Variants in INHA observed in about 807,000 individuals in gnomAD.
INHA encodes the protein inhibin subunit alpha.
INHA carries 8 observed loss-of-function variants against 21.3 expected under a neutral mutation model. The observed-to-expected ratio is 0.38, with a 90% CI of 0.22 to 0.68. INHA has a LOEUF of 0.68. INHA is among the 30% of genes least tolerant of loss of function. The probability of loss-of-function intolerance (pLI) is 0.53; values close to 1 mark genes in which losing one functional copy is unlikely to be tolerated. For missense variants in INHA, 436 were observed against 465.8 expected (o/e 0.94, Z 0.59); for synonymous variants, 231 against 207.5 (o/e 1.11, Z -0.97).
In INHA at chr2:219,572,322, A is replaced by T. The variant is rs1341272653; in HGVS notation, c.-53A>T. The stretch of plus-strand genomic sequence containing the variant: ...GGAAAGGCCCTGGGCAGACCCTGGC[A>T]GAAGGGGCACGGGGCAGGGTGTGAG... On this transcript the variant is annotated 5_prime_UTR_variant, in exon 1 of 2. Transcript: ENST00000243786. The T allele has an allele frequency of 6.2e-7, 1 of 1,612,504 alleles. No homozygotes were observed. Among genetic ancestry groups the T allele is most frequent in the Non-Finnish European group, 8.5e-7 (1 of 1,179,832 alleles).
In INHA at chr2:219,573,920, C is replaced by T. The variant is rs148045179; in HGVS notation, c.269-774C>T. On this transcript the variant is annotated intron_variant, in intron 1 of 1. Coordinates refer to ENST00000243786, the MANE Select transcript of INHA (RefSeq NM_002191.4). ...GCGGAAGGCAGAGGTTGCAGTGAGC[C>T]GAGATGGCGCCACTGCACTCCAGCC... Among the ~76,000 whole-genome samples, 1,356 of 149,584 alleles carry T rather than the reference C, an allele frequency of 9.1e-3. 23 individuals are homozygous for T. Among genetic ancestry groups the T allele is most frequent in the African/African-American group, 0.032 (1,277 of 40,304 alleles).
rs771028587 is a variant in INHA at position 219,575,575 on chromosome 2, A to G, written c.*49A>G. ...TCCCATGGCTGGTGGCCACGCCCCCACCATCATCAGCTGGGAGGAAAGGCA... is the reference window on the plus strand; with the variant it reads ...TCCCATGGCTGGTGGCCACGCCCCCGCCATCATCAGCTGGGAGGAAAGGCA... On this transcript the variant is annotated 3_prime_UTR_variant, in exon 2 of 2. Coordinates refer to ENST00000243786, the MANE Select transcript of INHA (RefSeq NM_002191.4). 3 of 1,447,450 alleles carry G rather than the reference A, an allele frequency of 2.1e-6. No individual in the cohort carries two copies. Among genetic ancestry groups the G allele is most frequent in the African/African-American group, 2.8e-5 (2 of 71,656 alleles). The allele number at this position is 1,447,450 out of a possible 1,614,324, so 89.7% of individuals were successfully genotyped here. A position where few individuals can be genotyped will look rare whatever the true frequency, so the allele number is the denominator to read the frequency against.
Position 219,572,545 on chromosome 2 carries a change from G to T in INHA, c.171G>T (p.Arg57=). The T allele has an allele frequency of 6.3e-7, 1 of 1,580,234 alleles. No homozygotes were observed. The highest frequency in any genetic ancestry group is 8.6e-7 in the Non-Finnish European group (1 of 1,162,458). The change falls in exon 1 of 2, where the codon CGG becomes CGT. Residue 57 remains arginine (R), a synonymous_variant. Transcript: ENST00000243786. ...AAGGTGGGGACCCTGGAGTCAGGCGGCTGCCCCGAAGACATGCCCTGGGGG... is the reference window on the plus strand; with the variant it reads ...AAGGTGGGGACCCTGGAGTCAGGCGTCTGCCCCGAAGACATGCCCTGGGGG... The part of the protein sequence containing the change: ...TREGGDPGVR[R]LPRRHALGGF...
At position 219,575,099 on chromosome 2, in the gene INHA, G is replaced by A; in HGVS notation, c.674G>A (p.Ser225Asn). ...LVAHTRTRPP[S>N]GGERARRSTP... ...GCCCACACTCGGACCAGACCACCCA[G>A]TGGAGGGGAGAGAGCCCGACGCTCA... is the stretch of plus-strand genomic sequence containing the variant. Residue 225 changes from serine to asparagine, a missense_variant, in exon 2 of 2, where the codon AGT becomes AAT. Ser to Asn is a conservative substitution (Grantham distance 46, BLOSUM62 1). Coordinates refer to ENST00000243786, the MANE Select transcript of INHA (RefSeq NM_002191.4). 6.2e-7 allele frequency: 1 copy of A among 1,614,110 alleles called. No homozygotes were observed. The highest frequency in any genetic ancestry group is 8.5e-7 in the Non-Finnish European group (1 of 1,180,048).
In INHA at chr2:219,572,442, A is replaced by T; in HGVS notation, c.68A>T (p.Glu23Val). ...PQGGHSCQGL[E>V]LARELVLAKV... is the part of the protein sequence containing the mutation. The stretch of plus-strand genomic sequence containing the variant: ...GGTGGGCACAGCTGCCAGGGGCTGG[A>T]GCTGGCCCGGGAACTTGTTCTGGCC... Residue 23 changes from glutamate (E) to valine (V), a missense_variant, in exon 1 of 2, where the codon GAG becomes GTG. Transcript: ENST00000243786. 1 of 1,614,016 alleles carries T rather than the reference A, an allele frequency of 6.2e-7. No homozygotes were observed. Among genetic ancestry groups the T allele is most frequent in the Non-Finnish European group, 8.5e-7 (1 of 1,180,010 alleles).
At chr2:219,573,835 T>C (rs1697474818) in intron 1 of INHA, among the ~76,000 whole-genome samples, 1 of 151,952 alleles carries the variant, frequency 6.6e-6, no homozygotes, top group African/African-American at 2.4e-5. Context: ...TAGCCAGGCA[T>C]GGTGGCACCA....
In INHA at chr2:219,575,067, C is replaced by T. The variant is rs1238395659; in HGVS notation, c.642C>T (p.Phe214=). The change falls in exon 2 of 2, where the codon TTC becomes TTT. Residue 214 remains phenylalanine, a synonymous_variant. Coordinates refer to ENST00000243786, the MANE Select transcript of INHA (RefSeq NM_002191.4). ...CAGCCCGGCCTGAGGCCACGCCCTT[C>T]CTGGTGGCCCACACTCGGACCAGAC... is the stretch of plus-strand genomic sequence containing the variant. ...TCSARPEATP[F]LVAHTRTRPP... The T allele has an allele frequency of 3.1e-6, 5 of 1,613,788 alleles. No homozygotes were observed. Among genetic ancestry groups the T allele is most frequent in the Non-Finnish European group, 3.4e-6 (4 of 1,180,020 alleles).
chr2:219,573,122 C>A (rs915319221), intron 1 of INHA, among the ~76,000 whole-genome samples: 1 of 152,198 alleles, frequency 6.6e-6, no homozygotes, highest in Non-Finnish European at 1.5e-5. Flanking sequence ...TATATGTGCC[C>A]CCTTGTTCCA....
rs199897448 is a variant in INHA, at chr2:219,573,986, AAT to A, written c.269-707_269-706del. Among the ~76,000 whole-genome samples, 313 of 143,656 alleles carry A rather than the reference AAT, an allele frequency of 2.2e-3. 6 individuals carry two copies. The highest frequency in any genetic ancestry group is 8.2e-3 in the Admixed American group (116 of 14,138). The allele number at this position is 143,656 out of a possible 152,430, so 94.2% of individuals were successfully genotyped here. On this transcript the variant is annotated intron_variant, in intron 1 of 1. Coordinates refer to ENST00000243786, the MANE Select transcript of INHA (RefSeq NM_002191.4). ...GACTCCATCTCAAAAAAAAAAAAAA[AAT>A]GGTAATATGGCTGGGTGTGATGGCT...
chr2:219,574,880 T>C lies in INHA; in HGVS notation c.455T>C (p.Leu152Pro). ...TAASNSSEPL[L>P]GLLALSPGGP... is the part of the protein sequence containing the mutation. Reference sequence around the variant, plus strand: ...GCCTCCAATAGCTCTGAGCCCCTGCTAGGCCTGCTGGCACTGTCACCGGGA... The same window carrying C: ...GCCTCCAATAGCTCTGAGCCCCTGCCAGGCCTGCTGGCACTGTCACCGGGA... Residue 152 changes from leucine (L) to proline (P), a missense_variant, in exon 2 of 2, where the codon CTA (leucine) becomes CCA (proline). Coordinates refer to ENST00000243786, the MANE Select transcript of INHA (RefSeq NM_002191.4). 1.2e-6 allele frequency: 2 copies of C among 1,614,140 alleles called. No individual in the cohort carries two copies. Among genetic ancestry groups the C allele is most frequent in the East Asian group, 2.2e-5 (1 of 44,884 alleles).
Position 219,575,416 on chromosome 2 carries a change from C to T in INHA, c.991C>T (p.Leu331Phe), listed in dbSNP as rs1381075326. The change falls in exon 2 of 2, where the codon CTC becomes TTC. Residue 331 changes from leucine (L) to phenylalanine (F), a missense_variant. Leu to Phe is a conservative substitution (Grantham distance 22). Coordinates refer to ENST00000243786, the MANE Select transcript of INHA (RefSeq NM_002191.4). ...AGGGGCCCAGCCCTGCTGTGCTGCT[C>T]TCCCAGGGACCATGAGGCCCCTACA... ...LPGAQPCCAA[L>F]PGTMRPLHVR... 1.9e-6 allele frequency: 3 copies of T among 1,614,030 alleles called. No individual in the cohort carries two copies. In the Admixed American group the frequency reaches 5.0e-5, roughly 27 times the overall value.
At chr2:219,573,606 T>G (rs2106127471) in intron 1 of INHA, among the ~76,000 whole-genome samples, 1 of 148,748 alleles carries the variant, frequency 6.7e-6, no homozygotes, top group South Asian at 2.1e-4. Flanking sequence ...TTTTTTTTGG[T>G]GTAAACCTGT....
chr2:219,574,608 G>A (rs116399602), intron 1 of INHA, 86 bp from the exon 2 acceptor site: 59,765 of 1,135,238 alleles, frequency 0.053, 1,843 homozygotes, highest in Non-Finnish European at 0.061. Flanking sequence ...CTCATGACTG[G>A]TGGCCACATC....
Position 219,572,652 on chromosome 2 carries a change from G to A in INHA, c.268+10G>A, listed in dbSNP as rs1396417432. 1.3e-6 allele frequency: 2 copies of A among 1,551,314 alleles called. No individual in the cohort carries two copies. Among genetic ancestry groups the A allele is most frequent in the Admixed American group, 2.0e-5 (1 of 50,988 alleles). ...CTTTTCCCAGCCACAGGTAACGAGG[G>A]TGGGGGAACCGGCAGGATGACTTTG... On this transcript the variant is annotated intron_variant, in intron 1 of 1. Transcript: ENST00000243786.
chr2:219,573,171 T>C (rs950281658), intron 1 of INHA, among the ~76,000 whole-genome samples: 22 of 152,234 alleles, frequency 1.4e-4, no homozygotes, highest in Non-Finnish European at 2.9e-5. Flanking sequence ...GTGGGCTTTC[T>C]TGTCATCTGG....
At position 219,575,175 on chromosome 2, in the gene INHA, G is replaced by A. The variant is rs746289128; in HGVS notation, c.750G>A (p.Gln250=). Residue 250 remains glutamine, a synonymous_variant, in exon 2 of 2, where the codon CAG becomes CAA. Transcript: ENST00000243786. ...CTCCCTCTGCTCTGCGCCTGCTGCA[G>A]AGGCCTCCGGAGGAACCGGCTGCCC... ...PWSPSALRLL[Q]RPPEEPAAHA... 11 of 1,614,256 alleles carry A rather than the reference G, an allele frequency of 6.8e-6. No individual in the cohort carries two copies. The Admixed American group carries it at 1.8e-4, about 27-fold the overall frequency.
rs566378784 is a variant in INHA at position 219,575,423 on chromosome 2, G to T, written c.998G>T (p.Gly333Val). Residue 333 changes from glycine to valine, a missense_variant, in exon 2 of 2, where the codon GGG (glycine) becomes GTG (valine). Coordinates refer to ENST00000243786, the MANE Select transcript of INHA (RefSeq NM_002191.4). The stretch of plus-strand genomic sequence containing the variant: ...CAGCCCTGCTGTGCTGCTCTCCCAG[G>T]GACCATGAGGCCCCTACATGTCCGC... ...GAQPCCAALPGTMRPLHVRTT... is the reference protein window; with the variant it reads ...GAQPCCAALPVTMRPLHVRTT... The T allele has an allele frequency of 8.6e-5, 139 of 1,613,982 alleles. 1 individual carries two copies. The South Asian group carries it at 1.5e-3, about 18-fold the overall frequency.
intron 1 of INHA, among the ~76,000 whole-genome samples, chr2:219,573,995 A>C: frequency 7.0e-6 from 1 of 142,764 alleles, no homozygotes; most frequent in East Asian, 2.1e-4. Context: ...AAATGGTAAT[A>C]TGGCTGGGTG....
chr2:219,575,474 T>C lies in INHA; in HGVS notation c.1049T>C (p.Phe350Ser). The change falls in exon 2 of 2, where the codon TTC (phenylalanine) becomes TCC (serine). Residue 350 changes from phenylalanine to serine, a missense_variant. By Grantham distance (155) the Phe-to-Ser change is radical. Coordinates refer to ENST00000243786, the MANE Select transcript of INHA (RefSeq NM_002191.4). ...VRTTSDGGYS[F>S]KYETVPNLLT... is the part of the protein sequence containing the mutation. Reference sequence around the variant, plus strand: ...ACCACCTCGGATGGAGGTTACTCTTTCAAGTATGAGACAGTGCCCAACCTT... The same window carrying C: ...ACCACCTCGGATGGAGGTTACTCTTCCAAGTATGAGACAGTGCCCAACCTT... 1 of 1,614,046 alleles carries C rather than the reference T, an allele frequency of 6.2e-7. No homozygotes were observed.
Sources: gnomAD v4.1 joint callset for allele counts (sites outside exome capture counted in the v4.1 genomes callset) on GRCh38, gnomAD v4.1.1 for gene constraint, MANE v1.5 for transcripts, NCBI Gene and HGNC (gene_info 2026-07-23, HGNC 2026-07-21) for gene names.